The following ZNF266 variants were observed in gnomAD, a reference collection of about 807,000 sequenced individuals.
ZNF266 encodes zinc finger protein 266.
A neutral mutation model predicts 16.4 loss-of-function variants in ZNF266; 16 were observed. The ratio of observed to expected loss-of-function variants is 0.98; its 90% CI spans 0.66 to 1.48. The LOEUF is 1.48. Ranked by LOEUF, ZNF266 falls within the 40% of genes most tolerant of loss-of-function variation. The pLI is 0.00. For missense variants in ZNF266, 738 were observed against 689.1 expected, an observed-to-expected ratio of 1.07 and a Z score of -0.79; for synonymous variants, 262 against 237.9, an observed-to-expected ratio of 1.10 and a Z score of -0.93.
intron 5 of ZNF266, among the ~76,000 whole-genome samples, chr19:9,433,060 T>C (rs1417201045): frequency 6.6e-6 from 1 of 152,198 alleles, no homozygotes; most frequent in Non-Finnish European, 1.5e-5. Context: ...TGGGACAATT[T>C]AGACACACCA....
Position 9,414,019 on chromosome 19 carries a change from C to T in ZNF266, c.1107G>A (p.Gly369=). 2.5e-6 allele frequency: 4 copies of T among 1,614,044 alleles called. No individual in the cohort carries two copies. Among genetic ancestry groups the T allele is most frequent in the Non-Finnish European group, 3.4e-6 (4 of 1,180,012 alleles). The change falls in exon 11 of 11, where the codon GGG becomes GGA. Residue 369 remains glycine (G), a synonymous_variant. Transcript: ENST00000592904. The stretch of plus-strand genomic sequence containing the variant: ...GTTGAGAAGATCTAGTGAAGGCTAT[C>T]CCACATTCCTTGCATTCATAAGGCT... ...GEKPYECKEC[G]IAFTRSSQLT... is the part of the protein sequence containing the mutation.
At chr19:9,425,685 T>C (rs1568418335) in intron 5 of ZNF266, among the ~76,000 whole-genome samples, 1 of 152,184 alleles carries the variant, frequency 6.6e-6, no homozygotes, top group Admixed American at 6.5e-5. Flanking sequence ...CTGTTGTCTC[T>C]GTGAAGCACT....
At chr19:9,432,970 T>C (rs1323842053) in intron 5 of ZNF266, among the ~76,000 whole-genome samples, 1 of 152,204 alleles carries the variant, frequency 6.6e-6, no homozygotes, top group African/African-American at 2.4e-5. Context: ...CATTCATTCA[T>C]TCTCCAATCC....
chr19:9,414,843 A>AT, intron 10 of ZNF266, 123 bp from the exon 11 acceptor site: 1 of 1,121,676 alleles, frequency 8.9e-7, no homozygotes, highest in South Asian at 2.1e-5. Flanking sequence ...TTACACACAT[A>AT]TAAGTAATGC....
intron 5 of ZNF266, among the ~76,000 whole-genome samples, chr19:9,432,277 C>A (rs1305141023): frequency 6.6e-6 from 1 of 152,214 alleles, no homozygotes; most frequent in South Asian, 2.1e-4. Context: ...TCTTGATACA[C>A]ATAGTGTATA....
intron 5 of ZNF266, among the ~76,000 whole-genome samples, chr19:9,423,111 C>T (rs1339047881): frequency 6.6e-6 from 1 of 152,174 alleles, no homozygotes; most frequent in Non-Finnish European, 1.5e-5. Context: ...TTCATGACAG[C>T]AGGGATAAAG....
chr19:9,424,246 A>C (rs2070388019), intron 5 of ZNF266, among the ~76,000 whole-genome samples: 1 of 151,804 alleles, frequency 6.6e-6, no homozygotes, highest in Admixed American at 6.6e-5. Context: ...AAAAAAGAAA[A>C]AAGTTAATCT....
At chr19:9,434,639 G>A (rs1207964729) in intron 3 of ZNF266, among the ~76,000 whole-genome samples, 159 bp downstream of exon 3, 1 of 152,178 alleles carries the variant, frequency 6.6e-6, no homozygotes, top group Non-Finnish European at 1.5e-5. Flanking sequence ...TTGGAACAAA[G>A]TGGAGAACTG....
intron 5 of ZNF266, among the ~76,000 whole-genome samples, chr19:9,431,150 C>A (rs1277994037): frequency 6.6e-6 from 1 of 152,156 alleles, no homozygotes; most frequent in East Asian, 1.9e-4. Flanking sequence ...ATGGGATGGA[C>A]ACTGCAAAAG....
At chr19:9,417,024 G>A (rs1381686245) in intron 9 of ZNF266, among the ~76,000 whole-genome samples, 1 of 152,208 alleles carries the variant, frequency 6.6e-6, no homozygotes, top group South Asian at 2.1e-4. Flanking sequence ...AGAAAAGAAT[G>A]AGTAGACAAA....
At chr19:9,421,695 T>C (rs1784077702) in intron 5 of ZNF266, among the ~76,000 whole-genome samples, 1 of 152,190 alleles carries the variant, frequency 6.6e-6, no homozygotes, top group Admixed American at 6.5e-5. Context: ...TTAAATAACA[T>C]GAGATAAAAA....
At chr19:9,424,125 GC>G (rs917247180) in intron 5 of ZNF266, among the ~76,000 whole-genome samples, 5 of 150,436 alleles carry the variant, frequency 3.3e-5, no homozygotes, top group Admixed American at 6.7e-5. Flanking sequence ...AGAGGAAAAT[GC>G]CCCCCCCAGG....
At position 9,413,350 on chromosome 19, in the gene ZNF266, G is replaced by A. The variant is rs747053212; in HGVS notation, c.1776C>T (p.Cys592=). ...AACTGGAAGAACTGAAGGCTTTCCC[G>A]CACTCCTTACATTCATAGGGTTTCT... The part of the protein sequence containing the change: ...TGEKPYECKE[C]GKAFSSSSSF... The change falls in exon 11 of 11, where the codon TGC becomes TGT. Residue 592 remains cysteine (C), a synonymous_variant. Transcript: ENST00000592904. 1.9e-5 allele frequency: 31 copies of A among 1,613,032 alleles called. No individual in the cohort carries two copies. The highest frequency in any genetic ancestry group is 5.0e-5 in the Admixed American group (3 of 59,916).
chr19:9,414,059 A>G lies in ZNF266; in HGVS notation c.1067T>C (p.Ile356Thr), dbSNP rs2068620313. 1 of 1,613,510 alleles carries G rather than the reference A, an allele frequency of 6.2e-7. No individual in the cohort carries two copies. Among genetic ancestry groups the G allele is most frequent in the Admixed American group, 1.7e-5 (1 of 59,934 alleles). Residue 356 changes from isoleucine to threonine, a missense_variant, in exon 11 of 11, where the codon ATC becomes ACC. Transcript: ENST00000592904. Reference protein sequence around the residue: ...VSSCLSQHMKIHVGEKPYECK... With the variant: ...VSSCLSQHMKTHVGEKPYECK... Reference sequence around the variant, plus strand: ...TTCATAAGGCTTCTCACCCACATGGATTTTCATATGTTGACTTAAGCAAGA... The same window carrying G: ...TTCATAAGGCTTCTCACCCACATGGGTTTTCATATGTTGACTTAAGCAAGA...
intron 9 of ZNF266, among the ~76,000 whole-genome samples, chr19:9,416,934 G>A (rs1457588526): frequency 6.6e-6 from 1 of 151,944 alleles, no homozygotes; most frequent in Non-Finnish European, 1.5e-5. Context: ...GCCTCCCAAA[G>A]TGCTGAGATT....
At position 9,413,248 on chromosome 19, in the gene ZNF266, G is replaced by C. The variant is rs2068476214; in HGVS notation, c.*27C>G. Reference sequence around the variant, plus strand: ...GTTTTCATGTCTTCAGAGAGAACAGGGACACCTTTAGGTTTTCCCACATTC... The same window carrying C: ...GTTTTCATGTCTTCAGAGAGAACAGCGACACCTTTAGGTTTTCCCACATTC... On this transcript the variant is annotated 3_prime_UTR_variant, in exon 11 of 11. Coordinates refer to ENST00000592904, the MANE Select transcript of ZNF266 (RefSeq NM_001370374.1). 6.5e-7 allele frequency: 1 copy of C among 1,540,410 alleles called. No homozygotes were observed. Among genetic ancestry groups the C allele is most frequent in the Non-Finnish European group, 8.7e-7 (1 of 1,146,334 alleles).
At chr19:9,422,695 G>A (rs1315873006) in intron 5 of ZNF266, among the ~76,000 whole-genome samples, 2 of 152,142 alleles carry the variant, frequency 1.3e-5, no homozygotes, top group African/African-American at 2.4e-5. Flanking sequence ...TCTAGTACCC[G>A]CTAAAAGTGC....
chr19:9,432,859 A>T (rs1224072019), intron 5 of ZNF266, among the ~76,000 whole-genome samples: 3 of 152,212 alleles, frequency 2.0e-5, no homozygotes, highest in African/African-American at 7.2e-5. Flanking sequence ...CTCAAAAACA[A>T]TAACAAATGG....
intron 7 of ZNF266, 90 bp from the exon 8 acceptor site, chr19:9,418,721 C>T (rs1568409441): frequency 3.0e-6 from 2 of 661,782 alleles, no homozygotes; most frequent in African/African-American, 1.8e-5. Context: ...TCTGAGGGCT[C>T]ACATTGCCCA....
Sources: allele counts gnomAD v4.1 joint callset (sites outside exome capture counted in the v4.1 genomes callset), GRCh38; gene constraint gnomAD v4.1.1; transcripts MANE v1.5; gene names NCBI Gene and HGNC (gene_info 2026-07-23, HGNC 2026-07-21).